ZC3H15: variants seen among roughly 807,000 people sequenced by gnomAD.
ZC3H15 encodes the protein zinc finger CCCH domain-containing protein 15.
In ZC3H15, 15 loss-of-function variants were observed where a neutral mutation model predicts 51.2. That is an observed-to-expected ratio of 0.29 (90% CI 0.20 to 0.45). ZC3H15 has a LOEUF of 0.45. Ranked by LOEUF, ZC3H15 falls within the 20% of genes least tolerant of loss-of-function variation. The probability of loss-of-function intolerance (pLI) is 1.00; values close to 1 mark genes in which losing one functional copy is unlikely to be tolerated. For missense variants in ZC3H15, 381 were observed against 494.7 expected (o/e 0.77, Z 2.18); for synonymous variants, 144 against 162.8 (o/e 0.88, Z 0.88).
At chr2:186,500,065 A>C in intron 2 of ZC3H15, 117 bp from the exon 3 acceptor site, 1 of 790,980 alleles carries the variant, frequency 1.3e-6, no homozygotes, top group Non-Finnish European at 2.0e-6. Flanking sequence ...TATAACACTG[A>C]TGTTAAAAGG....
At chr2:186,493,228 C>T (rs959581988) in intron 1 of ZC3H15, among the ~76,000 whole-genome samples, 3 of 152,032 alleles carry the variant, frequency 2.0e-5, no homozygotes, top group Non-Finnish European at 4.4e-5. Context: ...TTATCTACTA[C>T]AGCTCAGCCA....
chr2:186,486,535 C>G (rs1685097329), intron 1 of ZC3H15, 78 bp downstream of exon 1: 12 of 1,456,426 alleles, frequency 8.2e-6, no homozygotes, highest in Non-Finnish European at 1.1e-5. Context: ...TCCCTGGGAG[C>G]CGGCTCGCTT....
intron 2 of ZC3H15, among the ~76,000 whole-genome samples, chr2:186,497,387 G>A (rs1392228697): frequency 6.6e-6 from 1 of 152,042 alleles, no homozygotes; most frequent in Non-Finnish European, 1.5e-5. Flanking sequence ...TAACTTAATA[G>A]CCCGGTTTAA....
intron 8 of ZC3H15, 114 bp from the exon 9 acceptor site, chr2:186,506,599 G>C: frequency 8.3e-7 from 1 of 1,211,916 alleles, no homozygotes; most frequent in Non-Finnish European, 1.1e-6. Context: ...GCCAGTAATT[G>C]GTCTTTTGTT....
intron 9 of ZC3H15, among the ~76,000 whole-genome samples, chr2:186,507,067 TAAAGTC>T (rs914352148): frequency 3.3e-5 from 5 of 152,168 alleles, no homozygotes; most frequent in Non-Finnish European, 7.3e-5. Flanking sequence ...AGCTTGGAGT[TAAAGTC>T]AATGAGTTCA....
intron 1 of ZC3H15, among the ~76,000 whole-genome samples, chr2:186,494,975 T>C (rs569230529): frequency 7.2e-5 from 11 of 151,820 alleles, no homozygotes; most frequent in Non-Finnish European, 1.3e-4. Flanking sequence ...ATAAAAAATA[T>C]ATATAAAAAT....
chr2:186,501,916 T>C (rs1685391339), intron 4 of ZC3H15, among the ~76,000 whole-genome samples: 1 of 152,126 alleles, frequency 6.6e-6, no homozygotes, highest in African/African-American at 2.4e-5. Context: ...TTCACCATGT[T>C]GGCCAGGATG....
At chr2:186,499,369 T>A (rs1024857586) in intron 2 of ZC3H15, among the ~76,000 whole-genome samples, 1 of 152,236 alleles carries the variant, frequency 6.6e-6, no homozygotes, top group Non-Finnish European at 1.5e-5. Context: ...TTTCTCATAC[T>A]TTATTCCTCT....
In ZC3H15 at chr2:186,507,960, G is replaced by A. The variant is rs74914331; in HGVS notation, c.1091-583G>A. ...TAAATTAGGCTGTTAAAAAATGTCT[G>A]TGTAATTGTCAATGGCATTGAACAA... On this transcript the variant is annotated intron_variant, in intron 9 of 9. Transcript: ENST00000337859. Among the ~76,000 whole-genome samples the A allele has an allele frequency of 6.4e-3, 968 of 152,250 alleles. 9 individuals carry two copies. Among genetic ancestry groups the A allele is most frequent in the African/African-American group, 0.022 (932 of 41,536 alleles).
chr2:186,501,736 A>G (rs1685387719), intron 4 of ZC3H15, among the ~76,000 whole-genome samples: 1 of 150,384 alleles, frequency 6.6e-6, no homozygotes. Flanking sequence ...TTTGAGACGG[A>G]GTCTTGGCTC....
At chr2:186,504,310 GAA>G (rs368068184) in intron 6 of ZC3H15, 96 bp downstream of exon 6, 45 of 961,096 alleles carry the variant, frequency 4.7e-5, no homozygotes, top group Non-Finnish European at 5.8e-5. Context: ...TTTATGAAAG[GAA>G]AAAAAAAATA....
At chr2:186,502,641 A>C in intron 5 of ZC3H15, 54 bp downstream of exon 5, 6 of 1,417,946 alleles carry the variant, frequency 4.2e-6, no homozygotes, top group Non-Finnish European at 5.9e-6. Flanking sequence ...AGGGAGAATT[A>C]TGTGGCAAGG....
At chr2:186,495,147 A>G in intron 1 of ZC3H15, 86 bp from the exon 2 acceptor site, 1 of 756,140 alleles carries the variant, frequency 1.3e-6, no homozygotes, top group Non-Finnish European at 2.0e-6. Flanking sequence ...ATAATTATCA[A>G]TAAAAATAAT....
At chr2:186,487,355 A>G (rs1411792615) in intron 1 of ZC3H15, 2 of 152,172 alleles carry the variant, frequency 1.3e-5, no homozygotes, top group Non-Finnish European at 2.9e-5. Flanking sequence ...TACAGACCCC[A>G]ACGAGGTATT....
intron 2 of ZC3H15, among the ~76,000 whole-genome samples, chr2:186,495,810 G>C (rs1212082118): frequency 6.6e-6 from 1 of 152,198 alleles, no homozygotes; most frequent in African/African-American, 2.4e-5. Context: ...TGTAGTACAT[G>C]AGCAATAGAT....
Position 186,501,522 on chromosome 2 carries a change from T to C in ZC3H15, c.442+97T>C, listed in dbSNP as rs559389970. The C allele has an allele frequency of 3.6e-5, 37 of 1,037,980 alleles. No individual in the cohort carries two copies. In the African/African-American group the frequency reaches 5.6e-4, roughly 16 times the overall value. 64.3% of individuals were successfully genotyped at this position (1,037,980 alleles called of 1,614,324 possible). ...AAATTGAAGAACATTTCAATCTTAA[T>C]AGACTGTTTATAAAAAATAATTAAT... On this transcript the variant is annotated intron_variant, in intron 4 of 9. Transcript: ENST00000337859.
chr2:186,506,850 C>A lies in ZC3H15; in HGVS notation c.1090+14C>A. The A allele has an allele frequency of 6.2e-7, 1 of 1,604,132 alleles. No homozygotes were observed. The highest frequency in any genetic ancestry group is 8.5e-7 in the Non-Finnish European group (1 of 1,176,350). On this transcript the variant is annotated intron_variant, in intron 9 of 9. Transcript: ENST00000337859. ...CAGATAAAGATGGTAAGTATGCTAA[C>A]TTTTGCCTAATTTTAAGAACTAGGA... is the stretch of plus-strand genomic sequence containing the variant.
chr2:186,491,763 G>A (rs1685203585), intron 1 of ZC3H15, among the ~76,000 whole-genome samples: 3 of 151,974 alleles, frequency 2.0e-5, no homozygotes, highest in East Asian at 3.9e-4. Flanking sequence ...TAGAATTGTT[G>A]AGAGGATTCA....
chr2:186,507,318 G>A (rs1406445201), intron 9 of ZC3H15: 1 of 447,278 alleles, frequency 2.2e-6, no homozygotes, highest in African/African-American at 2.0e-5. Flanking sequence ...ATAGGAATAG[G>A]GTGCCAGTTT....
Sources: allele counts gnomAD v4.1 joint callset (sites outside exome capture counted in the v4.1 genomes callset), GRCh38; gene constraint gnomAD v4.1.1; transcripts MANE v1.5; gene names NCBI Gene and HGNC (gene_info 2026-07-23, HGNC 2026-07-21).